PCDHA5: variants seen among roughly 807,000 people sequenced by gnomAD.
The protein encoded by PCDHA5 is protocadherin alpha-5.
In PCDHA5, 43 loss-of-function variants were observed where a neutral mutation model predicts 61.6. The observed-to-expected ratio is 0.70, with a 90% CI of 0.55 to 0.90. The LOEUF is 0.90. Among genes scored for constraint, PCDHA5 ranks in the 40% least tolerant of loss-of-function variants. The probability of loss-of-function intolerance (pLI) is 0.00; values close to 1 mark genes in which losing one functional copy is unlikely to be tolerated. For missense variants in PCDHA5, 1,298 were observed against 1,222.7 expected (o/e 1.06, Z -0.92); for synonymous variants, 627 against 543.9 (o/e 1.15, Z -2.13).
At chr5:140,842,886 C>A in intron 1 of PCDHA5, 1 of 1,594,202 alleles carries the variant, frequency 6.3e-7, no homozygotes, top group East Asian at 2.2e-5. Context: ...GCGCTGCAGC[C>A]GCTGGACCAC....
At chr5:140,893,273 A>G (rs1381847994) in intron 1 of PCDHA5, among the ~76,000 whole-genome samples, 1 of 152,150 alleles carries the variant, frequency 6.6e-6, no homozygotes, top group Non-Finnish European at 1.5e-5. Context: ...CAATAGTGGA[A>G]TTGCTGGATG....
In PCDHA5 at chr5:140,879,581, G is replaced by A. The variant is rs537126502; in HGVS notation, c.2352+55454G>A. On this transcript the variant is annotated intron_variant, in intron 1 of 3. Transcript: ENST00000529859. ...ATGAAAGAATAAAATTGCCAAGACA[G>A]ACATTGAAAAGTGAAAAACAATGTG... Among the ~76,000 whole-genome samples the A allele has an allele frequency of 2.6e-5, 4 of 152,334 alleles. No individual in the cohort carries two copies. In the East Asian group the frequency reaches 7.7e-4, roughly 29 times the overall value.
rs1554166675 is a variant in PCDHA5 at position 140,873,309 on chromosome 5, T to C, written c.2352+49182T>C. ...TGAAACTTTATAAATATAATAAAGG[T>C]GAATATTAGATAGGGCATACATTAC... On this transcript the variant is annotated intron_variant, in intron 1 of 3. Transcript: ENST00000529859. Among the ~76,000 whole-genome samples, 4 of 152,264 alleles carry C rather than the reference T, an allele frequency of 2.6e-5. No individual in the cohort carries two copies. The East Asian group carries it at 5.8e-4, about 22-fold the overall frequency.
intron 3 of PCDHA5, among the ~76,000 whole-genome samples, chr5:141,007,654 C>T (rs1461130528): frequency 6.6e-6 from 1 of 152,052 alleles, no homozygotes; most frequent in Non-Finnish European, 1.5e-5. Context: ...CCTAAAAAAC[C>T]ATAAATTTAC....
chr5:140,871,372 G>A lies in PCDHA5; in HGVS notation c.2352+47245G>A. 7 of 1,614,234 alleles carry A rather than the reference G, an allele frequency of 4.3e-6. No homozygotes were observed. The highest frequency in any genetic ancestry group is 5.9e-6 in the Non-Finnish European group (7 of 1,180,036). On this transcript the variant is annotated intron_variant, in intron 1 of 3. Coordinates refer to ENST00000529859, the MANE Select transcript of PCDHA5 (RefSeq NM_018908.3). Reference sequence around the variant, plus strand: ...ATACTCGCAGCAGAGGCGGCAGAGGGTGTGCTCTGAGGAGGGCCCACCTAA... The same window carrying A: ...ATACTCGCAGCAGAGGCGGCAGAGGATGTGCTCTGAGGAGGGCCCACCTAA...
intron 1 of PCDHA5, among the ~76,000 whole-genome samples, chr5:140,874,119 G>C (rs1256177133): frequency 6.6e-6 from 1 of 152,064 alleles, no homozygotes; most frequent in Non-Finnish European, 1.5e-5. Flanking sequence ...ACGTTTTATA[G>C]TTTATTTAAG....
chr5:140,825,706 G>A (rs1476381840), intron 1 of PCDHA5: 1 of 152,286 alleles, frequency 6.6e-6, no homozygotes, highest in Non-Finnish European at 1.5e-5. Context: ...GCAGGCATGA[G>A]CCATCGCGCC....
intron 1 of PCDHA5, chr5:140,930,576 T>C (rs1554207933): frequency 1.3e-5 from 2 of 152,582 alleles, no homozygotes; most frequent in Non-Finnish European, 2.9e-5. Flanking sequence ...TCTACGGTAT[T>C]ACTTTTTGAC....
intron 2 of PCDHA5, among the ~76,000 whole-genome samples, chr5:140,981,054 G>T (rs1024298698): frequency 1.3e-5 from 2 of 152,182 alleles, no homozygotes; most frequent in Admixed American, 1.3e-4. Flanking sequence ...GATAATTCTA[G>T]AGTGTAGACA....
chr5:140,883,930 C>T, intron 1 of PCDHA5: 1 of 1,613,066 alleles, frequency 6.2e-7, no homozygotes, highest in East Asian at 2.2e-5. Context: ...TGCAGGTGTT[C>T]GTGCTGGACG....
chr5:140,867,581 T>C (rs1322597888), intron 1 of PCDHA5: 1 of 152,170 alleles, frequency 6.6e-6, no homozygotes, highest in Non-Finnish European at 1.5e-5. Context: ...GCCCTTGCAG[T>C]ATTTTTAGAT....
At chr5:140,871,627 G>A (rs1448842330) in intron 1 of PCDHA5, 32 of 1,398,812 alleles carry the variant, frequency 2.3e-5, no homozygotes, top group African/African-American at 4.4e-5. Flanking sequence ...AGATAACAAT[G>A]TCTGTTCATA....
chr5:140,913,756 A>G (rs1184722554), intron 1 of PCDHA5, among the ~76,000 whole-genome samples: 1 of 152,072 alleles, frequency 6.6e-6, no homozygotes, highest in African/African-American at 2.4e-5. Context: ...GTTGTATCTC[A>G]TAGGTTTTGG....
Position 140,966,695 on chromosome 5 carries a change from C to T in PCDHA5, c.2353-12254C>T, listed in dbSNP as rs2096038904. ...GGGTGGCACGAGCGGAGGCGGGGCC[C>T]GGGCGTGGGGCACGGCTGGGGAAGC... is the stretch of plus-strand genomic sequence containing the variant. On this transcript the variant is annotated intron_variant, in intron 1 of 3. Coordinates refer to ENST00000529859, the MANE Select transcript of PCDHA5 (RefSeq NM_018908.3). 4 of 1,358,486 alleles carry T rather than the reference C, an allele frequency of 2.9e-6. No individual in the cohort carries two copies. In the South Asian group the frequency reaches 5.2e-5, roughly 18 times the overall value. The allele number at this position is 1,358,486 out of a possible 1,614,324, so 84.2% of individuals were successfully genotyped here. A position where few individuals can be genotyped will look rare whatever the true frequency, so the allele number is the denominator to read the frequency against.
chr5:140,848,776 A>G (rs2150250036), intron 1 of PCDHA5: 1 of 1,593,226 alleles, frequency 6.3e-7, no homozygotes, highest in East Asian at 2.2e-5. Flanking sequence ...GACCGCGAGG[A>G]GCTGTGCGGG....
chr5:140,954,996 A>G (rs879953600), intron 1 of PCDHA5, among the ~76,000 whole-genome samples: 16 of 152,214 alleles, frequency 1.1e-4, no homozygotes, highest in Non-Finnish European at 1.6e-4. Flanking sequence ...GCATATGGCT[A>G]GCCAATTCTC....
intron 3 of PCDHA5, among the ~76,000 whole-genome samples, chr5:141,007,992 C>T (rs1215200964): frequency 1.3e-5 from 2 of 152,132 alleles, no homozygotes; most frequent in Admixed American, 6.5e-5. Context: ...ATGAAATGTA[C>T]ATGTTAATAA....
intron 3 of PCDHA5, among the ~76,000 whole-genome samples, chr5:140,991,069 G>T (rs1156985445): frequency 6.6e-6 from 1 of 152,136 alleles, no homozygotes; most frequent in Non-Finnish European, 1.5e-5. Flanking sequence ...TTATTCCCAT[G>T]TTTCAGATAA....
chr5:140,870,447 C>T (rs1554164277), intron 1 of PCDHA5: 15 of 1,614,216 alleles, frequency 9.3e-6, no homozygotes, highest in Non-Finnish European at 9.3e-6. Flanking sequence ...CCGACGTGAA[C>T]GACAATGCGC....
Sources: gnomAD v4.1 joint callset for allele counts (sites outside exome capture counted in the v4.1 genomes callset) on GRCh38, gnomAD v4.1.1 for gene constraint, MANE v1.5 for transcripts, NCBI Gene and HGNC (gene_info 2026-07-23, HGNC 2026-07-21) for gene names.